Variants in IL1RAPL2 observed in about 807,000 individuals in gnomAD.
The protein encoded by IL1RAPL2 is X-linked interleukin-1 receptor accessory protein-like 2.
A neutral mutation model predicts 44.1 loss-of-function variants in IL1RAPL2; 3 were observed. The ratio of observed to expected loss-of-function variants is 0.07; its 90% CI spans 0.03 to 0.18. IL1RAPL2 has a LOEUF of 0.18. IL1RAPL2 is among the 10% of genes least tolerant of loss of function. The pLI, the probability that IL1RAPL2 is intolerant of heterozygous loss-of-function variation, is 1.00. For missense variants in IL1RAPL2, 391 were observed against 496.4 expected (o/e 0.79, Z 2.02); for synonymous variants, 181 against 178.8 (o/e 1.01, Z -0.10).
At chrX:104,823,434 A>C (rs1340670155) in intron 2 of IL1RAPL2, among the ~76,000 whole-genome samples, 15 of 110,270 alleles carry the variant, frequency 1.4e-4, no homozygotes, top group East Asian at 2.8e-4. Flanking sequence ...TGAACTCATC[A>C]TTTTTTATGG....
At chrX:104,720,765 T>A (rs899452050) in intron 2 of IL1RAPL2, among the ~76,000 whole-genome samples, 11 of 111,619 alleles carry the variant, frequency 9.9e-5, no homozygotes, top group Non-Finnish European at 1.3e-4. Flanking sequence ...AAATATCTAC[T>A]TTCTTTGCTT....
chrX:104,890,027 C>T (rs1602785436), intron 2 of IL1RAPL2, among the ~76,000 whole-genome samples: 2 of 111,164 alleles, frequency 1.8e-5, no homozygotes, highest in East Asian at 2.9e-4. Context: ...TCAATTCCCA[C>T]CTATGAGTGA....
chrX:104,880,794 CTA>C (rs1923045548), intron 2 of IL1RAPL2, among the ~76,000 whole-genome samples: 1 of 112,177 alleles, frequency 8.9e-6, no homozygotes, highest in Admixed American at 9.5e-5. Flanking sequence ...TGTCACAAAA[CTA>C]TACCTTTCTG....
At chrX:104,587,960 A>AT (rs777012904) in intron 1 of IL1RAPL2, among the ~76,000 whole-genome samples, 7 of 111,153 alleles carry the variant, frequency 6.3e-5, no homozygotes, top group Non-Finnish European at 1.1e-4. Context: ...GGGCCTGGTG[A>AT]TTTTTTTTGT....
At chrX:105,639,636 A>T (rs2037550026) in intron 6 of IL1RAPL2, among the ~76,000 whole-genome samples, 1 of 111,778 alleles carries the variant, frequency 8.9e-6, no homozygotes, top group South Asian at 3.7e-4. Context: ...TTTTAATTTT[A>T]TAATTTCATT....
At chrX:104,845,706 T>G (rs1922030532) in intron 2 of IL1RAPL2, among the ~76,000 whole-genome samples, 2 of 112,047 alleles carry the variant, frequency 1.8e-5, no homozygotes, top group South Asian at 3.8e-4. Context: ...CTTCATGGCC[T>G]TCCTTGACTC....
intron 2 of IL1RAPL2, among the ~76,000 whole-genome samples, chrX:104,809,218 TTAGCCACA>T (rs1932950400): frequency 2.7e-5 from 3 of 111,896 alleles, no homozygotes; most frequent in Non-Finnish European, 3.8e-5. Context: ...AACATCAACC[TTAGCCACA>T]TGGCTTACTT....
intron 4 of IL1RAPL2, among the ~76,000 whole-genome samples, chrX:105,239,780 G>C (rs1049103253): frequency 1.8e-5 from 2 of 111,038 alleles, no homozygotes; most frequent in Non-Finnish European, 3.8e-5. Context: ...TGATGTTCTC[G>C]GAAGATCCAG....
intron 5 of IL1RAPL2, among the ~76,000 whole-genome samples, chrX:105,283,000 C>A (rs2147664681): frequency 9.0e-6 from 1 of 111,601 alleles, no homozygotes; most frequent in East Asian, 2.8e-4. Context: ...CTTCATGATG[C>A]TATTTAATTT....
intron 4 of IL1RAPL2, among the ~76,000 whole-genome samples, chrX:105,255,912 A>C (rs764043957): frequency 8.6e-4 from 97 of 112,213 alleles, no homozygotes; most frequent in African/African-American, 3.1e-3. Context: ...TGAGATAATC[A>C]TGTGGTTTTT....
At chrX:104,735,617 TAGGC>T (rs1382159089) in intron 2 of IL1RAPL2, among the ~76,000 whole-genome samples, 3 of 111,610 alleles carry the variant, frequency 2.7e-5, no homozygotes, top group Non-Finnish European at 5.7e-5. Flanking sequence ...CATCCCACAG[TAGGC>T]TCTCTTTAGA....
chrX:104,680,465 G>A (rs1455837787), intron 2 of IL1RAPL2, among the ~76,000 whole-genome samples: 5 of 111,416 alleles, frequency 4.5e-5, no homozygotes, highest in African/African-American at 1.6e-4. Flanking sequence ...TTGTGCAGCT[G>A]CACTAAGCCC....
intron 2 of IL1RAPL2, among the ~76,000 whole-genome samples, chrX:104,842,049 T>C (rs866812319): frequency 2.7e-5 from 3 of 110,751 alleles, no homozygotes; most frequent in African/African-American, 9.9e-5. Context: ...TTTGGTTTTT[T>C]CACATAGTCC....
At chrX:105,579,152 GC>G (rs1454728085) in intron 6 of IL1RAPL2, among the ~76,000 whole-genome samples, 3 of 111,338 alleles carry the variant, frequency 2.7e-5, no homozygotes, top group African/African-American at 9.8e-5. Context: ...ATTTTTCCCT[GC>G]AACTAAATTT....
At chrX:105,012,978 G>A (rs1174429056) in intron 2 of IL1RAPL2, among the ~76,000 whole-genome samples, 1 of 110,630 alleles carries the variant, frequency 9.0e-6, no homozygotes, top group Non-Finnish European at 1.9e-5. Flanking sequence ...TTCTCAAAGT[G>A]TGGCCAGGTA....
At chrX:104,591,769 C>T (rs923996242) in intron 1 of IL1RAPL2, among the ~76,000 whole-genome samples, 11 of 110,292 alleles carry the variant, frequency 1.0e-4, no homozygotes, top group Non-Finnish European at 2.1e-4. Flanking sequence ...TCAGATAACA[C>T]TGTGAACAAA....
At chrX:105,315,600 ATGGT>A (rs1439227315) in intron 5 of IL1RAPL2, among the ~76,000 whole-genome samples, 4 of 69,898 alleles carry the variant, frequency 5.7e-5, no homozygotes, top group East Asian at 5.0e-4. Flanking sequence ...ATATATATAT[ATGGT>A]TTTATTAAGT....
At position 105,717,415 on chromosome X, in the gene IL1RAPL2, A is replaced by G; in HGVS notation, c.821A>G (p.Glu274Gly). The G allele has an allele frequency of 1.7e-6, 2 of 1,201,140 alleles. No homozygotes were observed. Among genetic ancestry groups the G allele is most frequent in the Non-Finnish European group, 2.3e-6 (2 of 888,087 alleles). ...PCKAFFGFSG[E>G]SGPMIYWMKG... ...AAAGCATTCTTCGGATTCAGTGGAGAGTCTGGGCCAATGATCTACTGGATG... is the reference window on the plus strand; with the variant it reads ...AAAGCATTCTTCGGATTCAGTGGAGGGTCTGGGCCAATGATCTACTGGATG... The change falls in exon 7 of 11, where the codon GAG (glutamate) becomes GGG (glycine). Residue 274 changes from glutamate (E) to glycine (G), a missense_variant. Coordinates refer to ENST00000372582, the MANE Select transcript of IL1RAPL2 (RefSeq NM_017416.2).
At chrX:105,432,240 A>G (rs1177455192) in intron 5 of IL1RAPL2, among the ~76,000 whole-genome samples, 1 of 105,279 alleles carries the variant, frequency 9.5e-6, no homozygotes, top group African/African-American at 3.5e-5. Context: ...TCTCTTTGGA[A>G]TATCAAAACA....
Sources: allele counts gnomAD v4.1 joint callset (sites outside exome capture counted in the v4.1 genomes callset), GRCh38; gene constraint gnomAD v4.1.1; transcripts MANE v1.5; gene names NCBI Gene and HGNC (gene_info 2026-07-23, HGNC 2026-07-21).